The following SLC2A13 variants were observed in gnomAD, a reference collection of about 807,000 sequenced individuals.
The protein encoded by SLC2A13 is solute carrier family 2 member 13, also known as proton myo-inositol cotransporter.
SLC2A13 carries 32 observed loss-of-function variants against 64.4 expected under a neutral mutation model. That is an observed-to-expected ratio of 0.50 (90% confidence interval 0.37 to 0.67). The LOEUF is 0.67. Ranked by LOEUF, SLC2A13 falls within the 30% of genes least tolerant of loss-of-function variation. The probability of loss-of-function intolerance (pLI) is 0.00; values close to 1 mark genes in which losing one functional copy is unlikely to be tolerated. For missense variants in SLC2A13, 743 were observed against 829.2 expected, an observed-to-expected ratio of 0.90 and a Z score of 1.28; for synonymous variants, 338 against 327.1, an observed-to-expected ratio of 1.03 and a Z score of -0.36.
At chr12:39,983,388 G>A (rs1229299830) in intron 3 of SLC2A13, among the ~76,000 whole-genome samples, 3 of 113,944 alleles carry the variant, frequency 2.6e-5, no homozygotes, top group Admixed American at 2.0e-4. Flanking sequence ...AGAGTGAACA[G>A]ACAACCTACA....
chr12:40,084,071 C>T (rs898696646), intron 1 of SLC2A13, among the ~76,000 whole-genome samples: 6 of 152,182 alleles, frequency 3.9e-5, no homozygotes, highest in Admixed American at 6.5e-5. Flanking sequence ...ATAAATGCTC[C>T]GAATATCAGA....
chr12:39,966,049 A>G (rs1295043797), intron 3 of SLC2A13, among the ~76,000 whole-genome samples: 2 of 151,600 alleles, frequency 1.3e-5, no homozygotes, highest in East Asian at 3.9e-4. Context: ...TTTCATATAT[A>G]TATACATATA....
At chr12:39,937,084 AT>A (rs1850059900) in intron 4 of SLC2A13, among the ~76,000 whole-genome samples, 1 of 152,068 alleles carries the variant, frequency 6.6e-6, no homozygotes, top group African/African-American at 2.4e-5. Flanking sequence ...GTGAGGGAAA[AT>A]TTTTTCAGAA....
At chr12:39,961,496 T>C (rs1035945405) in intron 3 of SLC2A13, among the ~76,000 whole-genome samples, 1 of 152,184 alleles carries the variant, frequency 6.6e-6, no homozygotes, top group East Asian at 1.9e-4. Context: ...CTTTTATCAA[T>C]AAGCAATAAT....
At chr12:39,766,598 A>C (rs1253145989) in intron 7 of SLC2A13, among the ~76,000 whole-genome samples, 1 of 151,942 alleles carries the variant, frequency 6.6e-6, no homozygotes, top group East Asian at 1.9e-4. Flanking sequence ...CCTTCACTAA[A>C]TATTTCTCTG....
intron 7 of SLC2A13, among the ~76,000 whole-genome samples, chr12:39,771,986 A>G (rs1940595655): frequency 6.6e-6 from 1 of 152,120 alleles, no homozygotes; most frequent in Non-Finnish European, 1.5e-5. Flanking sequence ...AGTATCTACC[A>G]TCAATTCCTA....
chr12:40,022,866 T>A (rs929273215), intron 3 of SLC2A13, among the ~76,000 whole-genome samples: 5 of 152,140 alleles, frequency 3.3e-5, no homozygotes, highest in African/African-American at 1.2e-4. Flanking sequence ...ATATGTAATT[T>A]TTTAACATGG....
chr12:39,871,699 C>A, intron 5 of SLC2A13, 99 bp downstream of exon 5: 1 of 1,168,912 alleles, frequency 8.6e-7, no homozygotes. Context: ...GGCTGAGAAA[C>A]CAATATTAGA....
chr12:40,028,266 G>A, intron 3 of SLC2A13, 35 bp downstream of exon 3: 1 of 1,531,954 alleles, frequency 6.5e-7, no homozygotes, highest in Non-Finnish European at 8.9e-7. Flanking sequence ...CCACTGTATA[G>A]TTTTTAAATT....
At chr12:39,803,656 G>A (rs922707508) in intron 7 of SLC2A13, among the ~76,000 whole-genome samples, 10 of 152,122 alleles carry the variant, frequency 6.6e-5, no homozygotes, top group African/African-American at 1.4e-4. Flanking sequence ...AAGAAAAGCA[G>A]TGAACTGGAT....
At chr12:39,926,547 C>T (rs1945733518) in intron 4 of SLC2A13, among the ~76,000 whole-genome samples, 1 of 152,082 alleles carries the variant, frequency 6.6e-6, no homozygotes. Context: ...TTTCAACTTC[C>T]AGGTCATCAT....
At chr12:40,085,206 A>G (rs562394423) in intron 1 of SLC2A13, among the ~76,000 whole-genome samples, 1 of 152,324 alleles carries the variant, frequency 6.6e-6, no homozygotes, top group African/African-American at 2.4e-5. Flanking sequence ...GTCTTGCCCT[A>G]TGTATCTCTT....
intron 7 of SLC2A13, among the ~76,000 whole-genome samples, chr12:39,812,558 C>T (rs985408489): frequency 4.6e-5 from 7 of 151,814 alleles, no homozygotes; most frequent in East Asian, 3.9e-4. Flanking sequence ...CTGCAACCTC[C>T]GCCTCTGAGA....
chr12:39,833,934 G>A lies in SLC2A13; in HGVS notation c.1320-3706C>T, dbSNP rs538086136. On this transcript the variant is annotated intron_variant, in intron 6 of 9. Transcript: ENST00000280871. ...AAAAAATCTCTGACCTACATCCTCC[G>A]AAAGTAGGTCGTAAGACCCTCAGTC... 2.0e-5 allele frequency among the ~76,000 whole-genome samples: 3 copies of A among 148,556 alleles called. 1 individual carries two copies. The highest frequency in any genetic ancestry group is 4.3e-4 in the South Asian group (2 of 4,646).
intron 4 of SLC2A13, among the ~76,000 whole-genome samples, chr12:39,895,520 ATATATAT>A (rs1393882024): frequency 5.7e-4 from 1 of 1,744 alleles, no homozygotes; most frequent in African/African-American, 1.3e-3. Context: ...AAAATTATAT[ATATATAT>A]ATATATATAT....
chr12:40,039,190 T>C (rs28365681), intron 2 of SLC2A13, among the ~76,000 whole-genome samples: 8 of 152,200 alleles, frequency 5.3e-5, no homozygotes, highest in African/African-American at 1.9e-4. Context: ...AAAATGTCCT[T>C]CTTTATCTCT....
At chr12:39,765,769 C>T (rs1233360873) in intron 7 of SLC2A13, among the ~76,000 whole-genome samples, 1 of 152,038 alleles carries the variant, frequency 6.6e-6, no homozygotes, top group Non-Finnish European at 1.5e-5. Flanking sequence ...ACAGGATGTG[C>T]AGGTTTGTTA....
At chr12:39,991,032 A>T (rs987174339) in intron 3 of SLC2A13, among the ~76,000 whole-genome samples, 10 of 152,196 alleles carry the variant, frequency 6.6e-5, no homozygotes, top group African/African-American at 2.2e-4. Flanking sequence ...CTAAAAATCA[A>T]TCTGTGAGCC....
intron 4 of SLC2A13, among the ~76,000 whole-genome samples, chr12:39,904,629 G>A (rs753266039): frequency 1.6e-4 from 24 of 152,078 alleles, no homozygotes; most frequent in Admixed American, 8.5e-4. Flanking sequence ...TGAGTTTAAT[G>A]TCCTATCACG....
Sources: gnomAD v4.1 joint callset for allele counts (sites outside exome capture counted in the v4.1 genomes callset) on GRCh38, gnomAD v4.1.1 for gene constraint, MANE v1.5 for transcripts, NCBI Gene and HGNC (gene_info 2026-07-23, HGNC 2026-07-21) for gene names.